Variants in HCN1 observed in about 807,000 individuals in gnomAD.
HCN1 encodes hyperpolarization activated cyclic nucleotide gated potassium channel 1, also known as potassium/sodium hyperpolarization-activated cyclic nucleotide-gated channel 1.
In HCN1, 13 loss-of-function variants were observed where a neutral mutation model predicts 78.9. That is an observed-to-expected ratio of 0.16 (90% confidence interval 0.11 to 0.26). The LOEUF (loss-of-function observed/expected upper bound fraction) is 0.26. HCN1 is among the 10% of genes least tolerant of loss of function. The pLI, the probability that HCN1 is intolerant of heterozygous loss-of-function variation, is 1.00. For synonymous variants in HCN1, 552 were observed against 455.5 expected (o/e 1.21, Z -2.70); for missense variants, 810 against 1,154.3 (o/e 0.70, Z 4.32).
intron 2 of HCN1, among the ~76,000 whole-genome samples, chr5:45,487,684 T>C (rs1741796304): frequency 6.6e-6 from 1 of 152,128 alleles, no homozygotes; most frequent in Non-Finnish European, 1.5e-5. Flanking sequence ...TGTAAGTTCA[T>C]GTTCCAATGT....
chr5:45,375,843 A>T (rs1747631033), intron 4 of HCN1, among the ~76,000 whole-genome samples: 1 of 120,818 alleles, frequency 8.3e-6, no homozygotes, highest in Admixed American at 9.8e-5. Context: ...TCTTATATAT[A>T]ATATAATATT....
chr5:45,604,442 A>T (rs1342147042), intron 2 of HCN1, among the ~76,000 whole-genome samples: 1 of 151,918 alleles, frequency 6.6e-6, no homozygotes, highest in Non-Finnish European at 1.5e-5. Context: ...TGCTTTTGAC[A>T]CACTAAAAAG....
At chr5:45,563,929 T>C (rs969169518) in intron 2 of HCN1, among the ~76,000 whole-genome samples, 4 of 152,196 alleles carry the variant, frequency 2.6e-5, no homozygotes, top group African/African-American at 9.7e-5. Flanking sequence ...TCATTTTGAT[T>C]TGATACTAGT....
chr5:45,427,957 G>A (rs1014175268), intron 3 of HCN1, among the ~76,000 whole-genome samples: 9 of 151,954 alleles, frequency 5.9e-5, no homozygotes, highest in Non-Finnish European at 1.3e-4. Flanking sequence ...TATATCCTCA[G>A]CCTGTGAAAT....
At chr5:45,343,473 T>C (rs1005284844) in intron 5 of HCN1, among the ~76,000 whole-genome samples, 1 of 152,188 alleles carries the variant, frequency 6.6e-6, no homozygotes, top group African/African-American at 2.4e-5. Context: ...AAGGCATGAA[T>C]GTAAGATGTA....
chr5:45,531,062 A>G (rs1742836029), intron 2 of HCN1, among the ~76,000 whole-genome samples: 2 of 151,678 alleles, frequency 1.3e-5, no homozygotes. Context: ...ACACATACAC[A>G]CACACACACA....
intron 3 of HCN1, among the ~76,000 whole-genome samples, chr5:45,452,577 G>A (rs749921239): frequency 6.6e-5 from 10 of 151,566 alleles, no homozygotes; most frequent in Non-Finnish European, 1.2e-4. Context: ...CCTCAAGTAG[G>A]CCTCACTGTC....
chr5:45,519,724 G>A (rs1742578312), intron 2 of HCN1, among the ~76,000 whole-genome samples: 1 of 151,752 alleles, frequency 6.6e-6, no homozygotes, highest in Admixed American at 6.6e-5. Context: ...ATTGAAACCT[G>A]TCTTGGAAAA....
At chr5:45,488,293 C>A (rs1741810440) in intron 2 of HCN1, among the ~76,000 whole-genome samples, 1 of 151,986 alleles carries the variant, frequency 6.6e-6, no homozygotes, top group Admixed American at 6.6e-5. Flanking sequence ...ATGCTTATTT[C>A]TGTGTGCCTC....
chr5:45,264,334 G>T (rs555947372), intron 7 of HCN1, among the ~76,000 whole-genome samples: 87 of 152,282 alleles, frequency 5.7e-4, no homozygotes, highest in African/African-American at 1.9e-3. Flanking sequence ...ATAATTATTA[G>T]AATGAATAGT....
At chr5:45,315,125 C>T (rs1399156411) in intron 5 of HCN1, among the ~76,000 whole-genome samples, 1 of 152,184 alleles carries the variant, frequency 6.6e-6, no homozygotes, top group Non-Finnish European at 1.5e-5. Context: ...TTCTCAGCAC[C>T]ACATCACACT....
intron 2 of HCN1, among the ~76,000 whole-genome samples, chr5:45,530,566 G>A (rs1268998113): frequency 6.6e-6 from 1 of 151,796 alleles, no homozygotes; most frequent in African/African-American, 2.4e-5. Flanking sequence ...TGAATTCTAA[G>A]AACAAATATT....
At chr5:45,476,590 C>G (rs1443172624) in intron 2 of HCN1, among the ~76,000 whole-genome samples, 1 of 152,132 alleles carries the variant, frequency 6.6e-6, no homozygotes, top group Admixed American at 6.6e-5. Context: ...TCCCTGCATG[C>G]TTTGGGATTG....
intron 2 of HCN1, among the ~76,000 whole-genome samples, chr5:45,591,204 G>A (rs1439714040): frequency 6.6e-6 from 1 of 152,022 alleles, no homozygotes; most frequent in East Asian, 1.9e-4. Context: ...CTAAGTTTTG[G>A]CAGTTATGAA....
rs552899174 is a variant in HCN1 at position 45,261,874 on chromosome 5, T to A, written c.*47A>T. 1.9e-6 allele frequency: 3 copies of A among 1,609,708 alleles called. No homozygotes were observed. The South Asian group carries it at 3.3e-5, about 18-fold the overall frequency. On this transcript the variant is annotated 3_prime_UTR_variant, in exon 8 of 8. Transcript: ENST00000303230. ...AGAATAAAATAAGATCTGAGTATAG[T>A]CTCAGTTTATGAGAGTATTTCTTTC... is the stretch of plus-strand genomic sequence containing the variant.
At chr5:45,312,966 C>A (rs530314102) in intron 5 of HCN1, among the ~76,000 whole-genome samples, 259 of 152,226 alleles carry the variant, frequency 1.7e-3, no homozygotes, top group African/African-American at 5.8e-3. Context: ...CAAAAGGCAG[C>A]AGAAACCTCT....
In HCN1 at chr5:45,255,687, A is replaced by C. The variant is rs963756176; in HGVS notation, c.*6234T>G. ...CTTGAACAAATATGAGAAAGAAATG[A>C]GAATACATTTGGAAAACTCTTTTTG... is the stretch of plus-strand genomic sequence containing the variant. On this transcript the variant is annotated 3_prime_UTR_variant, in exon 8 of 8. Coordinates refer to ENST00000303230, the MANE Select transcript of HCN1 (RefSeq NM_021072.4). 3 of 152,258 alleles carry C rather than the reference A, an allele frequency of 2.0e-5. No homozygotes were observed. Among genetic ancestry groups the C allele is most frequent in the African/African-American group, 7.2e-5 (3 of 41,476 alleles). The allele number at this position is 152,258 out of a possible 1,614,324, so 9.4% of individuals were successfully genotyped here. A position where few individuals can be genotyped will look rare whatever the true frequency, so the allele number is the denominator to read the frequency against.
At chr5:45,323,897 TTTTTATAGC>T (rs1746178940) in intron 5 of HCN1, among the ~76,000 whole-genome samples, 2 of 152,132 alleles carry the variant, frequency 1.3e-5, no homozygotes, top group South Asian at 2.1e-4. Context: ...GAACTCATCA[TTTTTATAGC>T]TGCATAGTAT....
chr5:45,360,138 T>C (rs928161236), intron 4 of HCN1, among the ~76,000 whole-genome samples: 1 of 151,526 alleles, frequency 6.6e-6, no homozygotes, highest in Non-Finnish European at 1.5e-5. Flanking sequence ...AAAAATCCAG[T>C]TGAATAAAAA....
Sources: gnomAD v4.1 joint callset for allele counts (sites outside exome capture counted in the v4.1 genomes callset) on GRCh38, gnomAD v4.1.1 for gene constraint, MANE v1.5 for transcripts, NCBI Gene and HGNC (gene_info 2026-07-23, HGNC 2026-07-21) for gene names.